Variants in COL21A1 observed in about 807,000 individuals in gnomAD.
COL21A1 encodes the protein collagen alpha-1(XXI) chain.
Under a neutral mutation model 137.9 loss-of-function variants are expected in COL21A1, and 149 were observed. That is an observed-to-expected ratio of 1.08 (90% CI 0.95 to 1.24). COL21A1 has a LOEUF of 1.24. Among genes scored for constraint, COL21A1 ranks in the 50% most tolerant of loss-of-function variants. The pLI, the probability that COL21A1 is intolerant of heterozygous loss-of-function variation, is 0.00. For missense variants in COL21A1, 1,167 were observed against 1,158.4 expected (o/e 1.01, Z -0.11); for synonymous variants, 456 against 391.5 (o/e 1.16, Z -1.95).
chr6:56,222,377 A>T (rs958917236), intron 1 of COL21A1, among the ~76,000 whole-genome samples: 1 of 152,182 alleles, frequency 6.6e-6, no homozygotes, highest in Non-Finnish European at 1.5e-5. Context: ...GATTTTTATT[A>T]TACTTTACTC....
intron 1 of COL21A1, among the ~76,000 whole-genome samples, chr6:56,191,786 G>A (rs1189660062): frequency 6.6e-6 from 1 of 151,948 alleles, no homozygotes; most frequent in African/African-American, 2.4e-5. Flanking sequence ...TGGAAAGGAA[G>A]GATCAGTATC....
intron 1 of COL21A1, among the ~76,000 whole-genome samples, chr6:56,184,886 T>C (rs1778163842): frequency 1.3e-5 from 2 of 152,220 alleles, no homozygotes; most frequent in South Asian, 2.1e-4. Context: ...TGTCCACTTA[T>C]CATCTTTCTA....
At chr6:56,276,310 T>C (rs1763651776) in intron 1 of COL21A1, among the ~76,000 whole-genome samples, 1 of 152,162 alleles carries the variant, frequency 6.6e-6, no homozygotes, top group East Asian at 1.9e-4. Context: ...ACCCCAAACC[T>C]CAGCATCATG....
At chr6:56,252,625 T>C (rs1226835382) in intron 1 of COL21A1, among the ~76,000 whole-genome samples, 1 of 152,210 alleles carries the variant, frequency 6.6e-6, no homozygotes, top group African/African-American at 2.4e-5. Flanking sequence ...TTCCTTTTCA[T>C]ATATTAATCT....
At chr6:56,320,695 A>G (rs1764844089) in intron 1 of COL21A1, among the ~76,000 whole-genome samples, 1 of 152,104 alleles carries the variant, frequency 6.6e-6, no homozygotes, top group African/African-American at 2.4e-5. Context: ...TTCCATTGAT[A>G]TTCATGTGGC....
intron 1 of COL21A1, among the ~76,000 whole-genome samples, chr6:56,226,077 T>C (rs967599949): frequency 6.6e-6 from 1 of 152,086 alleles, no homozygotes; most frequent in South Asian, 2.1e-4. Flanking sequence ...AAATAGTACA[T>C]AGAATTGTTT....
intron 1 of COL21A1, among the ~76,000 whole-genome samples, chr6:56,383,038 A>T (rs2094011423): frequency 6.6e-6 from 1 of 152,142 alleles, no homozygotes; most frequent in African/African-American, 2.4e-5. Context: ...CTCCTTTCTA[A>T]CCACTGTTCC....
intron 3 of COL21A1, among the ~76,000 whole-genome samples, chr6:56,174,515 T>G (rs2152275970): frequency 1.3e-5 from 2 of 152,132 alleles, no homozygotes. Context: ...GGATTTTAAG[T>G]GACCACTATG....
At chr6:56,206,700 AT>A (rs1236095758) in intron 1 of COL21A1, among the ~76,000 whole-genome samples, 7 of 11,640 alleles carry the variant, frequency 6.0e-4, no homozygotes, top group East Asian at 0.014. Context: ...ATAAATAAAT[AT>A]ATATATATAT....
intron 9 of COL21A1, among the ~76,000 whole-genome samples, chr6:56,158,369 C>T (rs1775948485): frequency 7.0e-6 from 1 of 142,508 alleles, no homozygotes; most frequent in Admixed American, 7.4e-5. Context: ...ACCTCCCAGG[C>T]TCAAGTGATC....
At chr6:56,292,060 T>C (rs1187411009) in intron 1 of COL21A1, among the ~76,000 whole-genome samples, 2 of 151,970 alleles carry the variant, frequency 1.3e-5, no homozygotes, top group African/African-American at 2.4e-5. Context: ...TCTGAGCTAC[T>C]CGGGAGGCTG....
At chr6:56,235,515 A>G (rs1408074770) in intron 1 of COL21A1, among the ~76,000 whole-genome samples, 1 of 151,982 alleles carries the variant, frequency 6.6e-6, no homozygotes, top group Non-Finnish European at 1.5e-5. Flanking sequence ...TAGATCATAT[A>G]AAACTAACCT....
chr6:56,270,740 T>C lies in COL21A1; in HGVS notation c.-38-88084A>G, dbSNP rs772152396. On this transcript the variant is annotated intron_variant, in intron 1 of 28. Coordinates refer to the COL21A1 transcript ENST00000370819. ...GGTGGTTTCTCCAATGCTGTTCTCA[T>C]GATAGTGAAGGAGTTCTCATGAAAT... 2.6e-5 allele frequency among the ~76,000 whole-genome samples: 4 copies of C among 152,164 alleles called. 1 individual carries two copies. The highest frequency in any genetic ancestry group is 1.5e-5 in the Non-Finnish European group (1 of 68,032).
chr6:56,086,523 C>A (rs899936879), intron 17 of COL21A1, among the ~76,000 whole-genome samples: 1 of 152,036 alleles, frequency 6.6e-6, no homozygotes, highest in Non-Finnish European at 1.5e-5. Context: ...GAAAATATAT[C>A]TACTATTCAT....
chr6:56,124,658 T>C (rs1245788009), intron 14 of COL21A1, among the ~76,000 whole-genome samples: 1 of 115,540 alleles, frequency 8.7e-6, no homozygotes, highest in Non-Finnish European at 1.9e-5. Context: ...TTGTTTGTTT[T>C]TGAGACGGAG....
intron 12 of COL21A1, among the ~76,000 whole-genome samples, chr6:56,131,310 G>A (rs1773539082): frequency 6.6e-6 from 1 of 151,280 alleles, no homozygotes; most frequent in African/African-American, 2.4e-5. Context: ...TATATATTAT[G>A]AATTGACTGT....
intron 22 of COL21A1, among the ~76,000 whole-genome samples, chr6:56,068,329 G>A (rs1475477888): frequency 6.6e-6 from 1 of 151,646 alleles, no homozygotes; most frequent in Non-Finnish European, 1.5e-5. Context: ...AATAAAAACC[G>A]ATAGATTTAC....
chr6:56,272,144 C>T (rs943529440), intron 1 of COL21A1, among the ~76,000 whole-genome samples: 1 of 152,234 alleles, frequency 6.6e-6, no homozygotes, highest in Non-Finnish European at 1.5e-5. Flanking sequence ...TGACAGCTTG[C>T]ACCAAGCATC....
intron 1 of COL21A1, among the ~76,000 whole-genome samples, chr6:56,245,987 T>C (rs945271996): frequency 6.6e-6 from 1 of 152,216 alleles, no homozygotes; most frequent in Non-Finnish European, 1.5e-5. Flanking sequence ...TCTTATCCAG[T>C]GTCAGATTTC....
Sources: allele counts gnomAD v4.1 joint callset (sites outside exome capture counted in the v4.1 genomes callset), GRCh38; gene constraint gnomAD v4.1.1; transcripts MANE v1.5; gene names NCBI Gene and HGNC (gene_info 2026-07-23, HGNC 2026-07-21).